Variants in PNLIPRP3 observed in about 807,000 individuals in gnomAD.
PNLIPRP3 encodes pancreatic lipase related protein 3.
In PNLIPRP3, 58 loss-of-function variants were observed where a neutral mutation model predicts 52.8. The ratio of observed to expected loss-of-function variants is 1.10; its 90% CI spans 0.89 to 1.37. PNLIPRP3 has a LOEUF of 1.37. Ranked by LOEUF, PNLIPRP3 falls within the 40% of genes most tolerant of loss-of-function variation. PNLIPRP3 has a pLI of 0.00. For missense variants in PNLIPRP3, 593 were observed against 561.6 expected (o/e 1.06, Z -0.57); for synonymous variants, 192 against 185.0 (o/e 1.04, Z -0.31).
chr10:116,475,089 A>G (rs1390781434), intron 10 of PNLIPRP3, among the ~76,000 whole-genome samples: 1 of 152,228 alleles, frequency 6.6e-6, no homozygotes, highest in Non-Finnish European at 1.5e-5. Flanking sequence ...TATACCATGG[A>G]ATACTATGCA....
At chr10:116,462,578 T>C (rs1207204252) in intron 7 of PNLIPRP3, among the ~76,000 whole-genome samples, 2 of 152,124 alleles carry the variant, frequency 1.3e-5, no homozygotes, top group East Asian at 3.8e-4. Context: ...AATGACTATA[T>C]TTTAAAAACC....
chr10:116,444,254 G>C, intron 3 of PNLIPRP3, 128 bp from the exon 4 acceptor site: 1 of 732,654 alleles, frequency 1.4e-6, no homozygotes. Context: ...GATAAGATTT[G>C]GTCGGGGACA....
rs1411666511 is a variant in PNLIPRP3, at chr10:116,445,127, A to G, written c.456+614A>G. ...TCAGATTTTTAAGGAGGGTTCATTC[A>G]TTCATTCAACAAATATATATTTCAC... On this transcript the variant is annotated intron_variant, in intron 4 of 11. Transcript: ENST00000369230. Among the ~76,000 whole-genome samples, 4 of 152,316 alleles carry G rather than the reference A, an allele frequency of 2.6e-5. 1 individual carries two copies. In the South Asian group the frequency reaches 6.2e-4, roughly 24 times the overall value.
chr10:116,457,773 T>C (rs1589985160), intron 5 of PNLIPRP3, among the ~76,000 whole-genome samples: 3 of 152,222 alleles, frequency 2.0e-5, no homozygotes, highest in Non-Finnish European at 4.4e-5. Context: ...TACTGGGTTA[T>C]GATCAATTCA....
chr10:116,449,568 C>G (rs1846006069), intron 4 of PNLIPRP3, among the ~76,000 whole-genome samples: 1 of 152,022 alleles, frequency 6.6e-6, no homozygotes, highest in Non-Finnish European at 1.5e-5. Flanking sequence ...ACACCCAACA[C>G]CAGAGTACCT....
intron 4 of PNLIPRP3, among the ~76,000 whole-genome samples, chr10:116,448,021 GGAAGGAAA>G (rs1254671883): frequency 3.4e-4 from 15 of 43,732 alleles, no homozygotes; most frequent in Admixed American, 1.2e-3. Flanking sequence ...AAGGAAGGAA[GGAAGGAAA>G]GAAAGAAAGA....
At chr10:116,456,653 G>T (rs1479373743) in intron 5 of PNLIPRP3, among the ~76,000 whole-genome samples, 1 of 152,150 alleles carries the variant, frequency 6.6e-6, no homozygotes, top group Admixed American at 6.5e-5. Context: ...TTGGGTTTGG[G>T]GGTATAATAA....
chr10:116,438,826 G>C (rs1281828462), intron 2 of PNLIPRP3, among the ~76,000 whole-genome samples: 1 of 152,156 alleles, frequency 6.6e-6, no homozygotes, highest in African/African-American at 2.4e-5. Flanking sequence ...TATGGGTATA[G>C]AGACACTTAT....
At chr10:116,449,341 A>G (rs1415552214) in intron 4 of PNLIPRP3, among the ~76,000 whole-genome samples, 1 of 152,252 alleles carries the variant, frequency 6.6e-6, no homozygotes, top group Admixed American at 6.5e-5. Context: ...TGCTGTCTAC[A>G]AGAGATTCAT....
At chr10:116,472,129 T>G (rs1199625275) in intron 10 of PNLIPRP3, among the ~76,000 whole-genome samples, 2 of 152,184 alleles carry the variant, frequency 1.3e-5, no homozygotes, top group Non-Finnish European at 2.9e-5. Context: ...CAGATCTAGA[T>G]AATAGAGCAA....
At chr10:116,443,287 A>T (rs936863382) in intron 3 of PNLIPRP3, 113 bp downstream of exon 3, 4 of 1,160,736 alleles carry the variant, frequency 3.4e-6, no homozygotes, top group Non-Finnish European at 4.6e-6. Context: ...TCAGTTATCC[A>T]CAATTATCCG....
Position 116,428,039 on chromosome 10 carries a change from C to A in PNLIPRP3, c.27C>A (p.Phe9Leu). The A allele has an allele frequency of 6.2e-7, 1 of 1,609,018 alleles. No individual in the cohort carries two copies. Among genetic ancestry groups the A allele is most frequent in the South Asian group, 1.1e-5 (1 of 90,530 alleles). MLGIWIVA[F>L]LFFGTSRGKE... is the part of the protein sequence containing the mutation. Reference sequence around the variant, plus strand: ...TGCTTGGAATTTGGATTGTTGCATTCTTGTTCTTTGGCACATCAAGAGGTA... The same window carrying A: ...TGCTTGGAATTTGGATTGTTGCATTATTGTTCTTTGGCACATCAAGAGGTA... Residue 9 changes from phenylalanine to leucine, a missense_variant, in exon 1 of 12, where the codon TTC becomes TTA. Phe to Leu is a conservative substitution (Grantham distance 22). Transcript: ENST00000369230.
At chr10:116,455,516 A>G (rs1190440678) in intron 4 of PNLIPRP3, among the ~76,000 whole-genome samples, 1 of 152,216 alleles carries the variant, frequency 6.6e-6, no homozygotes, top group African/African-American at 2.4e-5. Flanking sequence ...GAGAGCTCCT[A>G]TAGAAGGCAT....
chr10:116,464,226 A>G (rs1010792610), intron 7 of PNLIPRP3, among the ~76,000 whole-genome samples: 1 of 152,146 alleles, frequency 6.6e-6, no homozygotes, highest in Admixed American at 6.5e-5. Context: ...CTGTTTTGTG[A>G]TTGAATAGGA....
intron 1 of PNLIPRP3, 51 bp from the exon 2 acceptor site, chr10:116,436,660 C>T: frequency 1.4e-6 from 2 of 1,463,056 alleles, no homozygotes; most frequent in Non-Finnish European, 9.1e-7. Flanking sequence ...GAAACACAGC[C>T]TCTCTCTAAG....
In PNLIPRP3 at chr10:116,431,135, T is replaced by C. The variant is rs559387029; in HGVS notation, c.49+3074T>C. Among the ~76,000 whole-genome samples the C allele has an allele frequency of 6.6e-4, 100 of 152,300 alleles. 1 individual carries two copies. In the Middle Eastern group the frequency reaches 0.017, roughly 26 times the overall value. Reference sequence around the variant, plus strand: ...TCTTTGGATCCTCCCTCAAAATCCATGCAGAACCTGACCACTTGTAACCAC... The same window carrying C: ...TCTTTGGATCCTCCCTCAAAATCCACGCAGAACCTGACCACTTGTAACCAC... On this transcript the variant is annotated intron_variant, in intron 1 of 11. Transcript: ENST00000369230.
In PNLIPRP3 at chr10:116,451,338, CAT is replaced by C. The variant is rs916334091; in HGVS notation, c.457-4382_457-4381del. Among the ~76,000 whole-genome samples the C allele has an allele frequency of 7.2e-5, 11 of 152,070 alleles. No individual in the cohort carries two copies. In the East Asian group the frequency reaches 2.1e-3, roughly 29 times the overall value. ...AAACTATAAAACTCCTAGAAAAAAA[CAT>C]AGAAGAAAAGCTTTATGACATTGGA... On this transcript the variant is annotated intron_variant, in intron 4 of 11. Transcript: ENST00000369230.
chr10:116,465,240 G>T (rs979342692), intron 7 of PNLIPRP3, among the ~76,000 whole-genome samples: 1 of 152,016 alleles, frequency 6.6e-6, no homozygotes, highest in African/African-American at 2.4e-5. Flanking sequence ...CATTAGATTG[G>T]TTAAAAAACC....
At chr10:116,469,851 G>A (rs1331852922) in intron 9 of PNLIPRP3, among the ~76,000 whole-genome samples, 1 of 151,876 alleles carries the variant, frequency 6.6e-6, no homozygotes, top group Admixed American at 6.6e-5. Flanking sequence ...CCATTGAAGG[G>A]TATTAAGAAT....
Sources: gnomAD v4.1 joint callset for allele counts (sites outside exome capture counted in the v4.1 genomes callset) on GRCh38, gnomAD v4.1.1 for gene constraint, MANE v1.5 for transcripts, NCBI Gene and HGNC (gene_info 2026-07-23, HGNC 2026-07-21) for gene names.